The following PALLD variants were observed in gnomAD, a reference collection of about 807,000 sequenced individuals.
PALLD encodes the protein palladin.
A neutral mutation model predicts 123.5 loss-of-function variants in PALLD; 61 were observed. That is an observed-to-expected ratio of 0.49 (90% confidence interval 0.40 to 0.61). PALLD has a LOEUF of 0.61. PALLD is among the 20% of genes least tolerant of loss of function. PALLD has a pLI of 0.00. For synonymous variants in PALLD, 465 were observed against 496.4 expected, an observed-to-expected ratio of 0.94 and a Z score of 0.84; for missense variants, 1,273 against 1,377.0, an observed-to-expected ratio of 0.92 and a Z score of 1.20.
intron 10 of PALLD, among the ~76,000 whole-genome samples, chr4:168,713,602 G>A (rs1219864593): frequency 6.6e-6 from 1 of 152,168 alleles, no homozygotes; most frequent in East Asian, 1.9e-4. Context: ...TTTTAGCTCT[G>A]CTTTGCAGCC....
chr4:168,565,860 A>G (rs1039054007), intron 2 of PALLD, among the ~76,000 whole-genome samples: 1 of 152,232 alleles, frequency 6.6e-6, no homozygotes, highest in African/African-American at 2.4e-5. Context: ...TTAATGCTCC[A>G]TGAAATTTTA....
chr4:168,506,982 C>T (rs1175110164), intron 1 of PALLD, among the ~76,000 whole-genome samples: 4 of 152,118 alleles, frequency 2.6e-5, no homozygotes, highest in South Asian at 2.1e-4. Context: ...CTTTTTTCCT[C>T]GATGACCTTA....
At chr4:168,510,372 T>C (rs1342377455) in intron 1 of PALLD, among the ~76,000 whole-genome samples, 2 of 152,206 alleles carry the variant, frequency 1.3e-5, no homozygotes, top group African/African-American at 2.4e-5. Flanking sequence ...TAAGATTAGA[T>C]TAGACTCTCA....
intron 15 of PALLD, among the ~76,000 whole-genome samples, chr4:168,912,475 A>G (rs1172922867): frequency 6.6e-6 from 1 of 152,214 alleles, no homozygotes; most frequent in Non-Finnish European, 1.5e-5. Context: ...AAATTAAGAG[A>G]AAGGGCTGAA....
At chr4:168,586,947 A>G (rs187006575) in intron 2 of PALLD, among the ~76,000 whole-genome samples, 1 of 152,312 alleles carries the variant, frequency 6.6e-6, no homozygotes, top group Admixed American at 6.5e-5. Context: ...AAAAAGGAAA[A>G]GTCTAGTATC....
chr4:168,592,267 G>A (rs1012666279), intron 2 of PALLD, among the ~76,000 whole-genome samples: 2 of 151,774 alleles, frequency 1.3e-5, no homozygotes, highest in African/African-American at 2.4e-5. Context: ...CTCATGATCC[G>A]CCTGCCTCAG....
intron 2 of PALLD, among the ~76,000 whole-genome samples, chr4:168,541,890 G>A (rs76885100): frequency 0.024 from 3,711 of 152,258 alleles, 145 homozygotes; most frequent in African/African-American, 0.084. Context: ...CACCTACTCA[G>A]TGAAGACACT....
Position 168,844,162 on chromosome 4 carries a change from T to C in PALLD, c.1965-46760T>C, listed in dbSNP as rs2150941651. On this transcript the variant is annotated intron_variant, in intron 10 of 21. Coordinates refer to ENST00000505667, the MANE Select transcript of PALLD (RefSeq NM_001166108.2). This position sits in a 1 kb window ranked among gnomAD's most constrained non-coding sequence, Gnocchi z 4.5. ...AAGAGCTTTGACAGTTTGTTTTTTG[T>C]TTGTTTTTATTTGGGTGCAATTTTT... 6.6e-6 allele frequency: 1 copy of C among 152,312 alleles called. No individual in the cohort carries two copies. 9.4% of individuals were successfully genotyped at this position (152,312 alleles called of 1,614,324 possible).
intron 10 of PALLD, among the ~76,000 whole-genome samples, chr4:168,791,683 C>T (rs1737547376): frequency 6.6e-6 from 1 of 152,116 alleles, no homozygotes; most frequent in South Asian, 2.1e-4. Flanking sequence ...CACAGCCAAA[C>T]CATATCAGAT....
intron 10 of PALLD, among the ~76,000 whole-genome samples, chr4:168,880,744 T>G (rs1376727138): frequency 1.3e-5 from 2 of 152,248 alleles, no homozygotes; most frequent in Non-Finnish European, 2.9e-5. Flanking sequence ...GTTTCACTTA[T>G]AAGTGTTATT....
intron 2 of PALLD, among the ~76,000 whole-genome samples, chr4:168,623,072 C>A (rs1289725965): frequency 6.6e-6 from 1 of 152,126 alleles, no homozygotes; most frequent in African/African-American, 2.4e-5. Context: ...TACATCAAGG[C>A]CTTTCTATTG....
intron 2 of PALLD, among the ~76,000 whole-genome samples, chr4:168,549,247 T>A (rs2149532774): frequency 7.2e-6 from 1 of 137,992 alleles, no homozygotes; most frequent in African/African-American, 2.7e-5. Context: ...TGTCAATTGA[T>A]TGCAATGTCA....
chr4:168,751,669 T>A (rs1177725162), intron 10 of PALLD, among the ~76,000 whole-genome samples: 1 of 152,224 alleles, frequency 6.6e-6, no homozygotes, highest in African/African-American at 2.4e-5. Flanking sequence ...ACTCCACAGT[T>A]TAACCTCATC....
intron 10 of PALLD, among the ~76,000 whole-genome samples, chr4:168,852,640 C>T (rs1183527946): frequency 6.6e-6 from 1 of 152,166 alleles, no homozygotes; most frequent in Non-Finnish European, 1.5e-5. Flanking sequence ...GAGACCCTGT[C>T]TCAAAAGGAA....
chr4:168,800,926 G>T (rs994170986), intron 10 of PALLD, among the ~76,000 whole-genome samples: 3 of 152,082 alleles, frequency 2.0e-5, no homozygotes, highest in Non-Finnish European at 4.4e-5. Flanking sequence ...ATATTATTCA[G>T]CAATTAAAAT....
chr4:168,829,944 G>T (rs1743959154), intron 10 of PALLD, among the ~76,000 whole-genome samples: 1 of 152,092 alleles, frequency 6.6e-6, no homozygotes, highest in Non-Finnish European at 1.5e-5. Flanking sequence ...AAAAAAATAG[G>T]TTACAGGCCA....
chr4:168,792,450 T>C (rs1453822461), intron 10 of PALLD, among the ~76,000 whole-genome samples: 4 of 152,218 alleles, frequency 2.6e-5, no homozygotes, highest in African/African-American at 7.2e-5. Context: ...TGTCCCCCAC[T>C]CTGAGTCTCT....
intron 8 of PALLD, among the ~76,000 whole-genome samples, chr4:168,704,595 C>G (rs543939161): frequency 4.2e-5 from 6 of 141,496 alleles, no homozygotes; most frequent in African/African-American, 1.6e-4. Flanking sequence ...ACCCGGGAGG[C>G]GGAGCTTGCA....
chr4:168,919,589 T>C (rs546494081), intron 17 of PALLD, among the ~76,000 whole-genome samples: 1 of 148,466 alleles, frequency 6.7e-6, no homozygotes, highest in East Asian at 1.9e-4. Context: ...AAAAAGTTAG[T>C]GTATTTAAGC....
Sources: gnomAD v4.1 joint callset for allele counts (sites outside exome capture counted in the v4.1 genomes callset) on GRCh38, gnomAD v4.1.1 for gene constraint, Gnocchi (gnomAD v3.1) non-coding constraint, MANE v1.5 for transcripts, NCBI Gene and HGNC (gene_info 2026-07-23, HGNC 2026-07-21) for gene names.